RPL14: variants seen among roughly 807,000 people sequenced by gnomAD.
RPL14 encodes large ribosomal subunit protein eL14.
In RPL14, 4 loss-of-function variants were observed where a neutral mutation model predicts 25.3. The ratio of observed to expected loss-of-function variants is 0.16; its 90% CI spans 0.08 to 0.36. The LOEUF is 0.36. RPL14 is among the 10% of genes least tolerant of loss of function. RPL14 has a pLI of 1.00. For missense variants in RPL14, 212 were observed against 261.9 expected (o/e 0.81, Z 1.31); for synonymous variants, 75 against 89.8 (o/e 0.84, Z 0.93).
chr3:40,457,631 T>TG (rs1559527760), intron 1 of RPL14, 157 bp downstream of exon 1: 4 of 689,688 alleles, frequency 5.8e-6, no homozygotes, highest in Non-Finnish European at 9.7e-6. Flanking sequence ...GGATGGCTGA[T>TG]GCGGCTCGTG....
rs1696975450 is a variant in RPL14, at chr3:40,463,163, G to C, written c.*931G>C. 1 of 152,000 alleles carries C rather than the reference G, an allele frequency of 6.6e-6. No homozygotes were observed. The highest frequency in any genetic ancestry group is 2.1e-4 in the South Asian group (1 of 4,830). The allele number at this position is 152,000 out of a possible 1,614,324, so 9.4% of individuals were successfully genotyped here. On this transcript the variant is annotated 3_prime_UTR_variant, in exon 6 of 6. Transcript: ENST00000396203. ...CTGACCTCGTGATCCGCCTGTCTCG[G>C]CCTCCCAGAGCGGGGGATTATAGGC...
Position 40,464,460 on chromosome 3 carries a change from T to G in RPL14, c.*2228T>G, listed in dbSNP as rs887784659. 2.2e-6 allele frequency: 1 copy of G among 455,706 alleles called. No individual in the cohort carries two copies. The highest frequency in any genetic ancestry group is 2.4e-5 in the Admixed American group (1 of 42,538). 28.2% of individuals were successfully genotyped at this position (455,706 alleles called of 1,614,324 possible). ...GAGAAAGTGGCATCTATACCTAAAA[T>G]AAGAAGAAGGTGGTGTAAGGGGAAG... is the stretch of plus-strand genomic sequence containing the variant. On this transcript the variant is annotated 3_prime_UTR_variant, in exon 6 of 6. Transcript: ENST00000396203.
Position 40,461,430 on chromosome 3 carries a change from A to C in RPL14, c.224A>C (p.Gln75Pro). The C allele has an allele frequency of 6.2e-7, 1 of 1,614,180 alleles. No individual in the cohort carries two copies. Among genetic ancestry groups the C allele is most frequent in the Non-Finnish European group, 8.5e-7 (1 of 1,180,030 alleles). The change falls in exon 4 of 6, where the codon CAA (glutamine) becomes CCA (proline). Residue 75 changes from glutamine (Q) to proline (P), a missense_variant. Gln to Pro is a moderately conservative substitution (Grantham distance 76). Around this residue, in one of 3 missense-constraint regions of RPL14, gnomAD observed 143 missense variants for 180.3 expected, o/e 0.79. Transcript: ENST00000396203. ...PHSAHQKYVR[Q>P]AWQKADINTK... The stretch of plus-strand genomic sequence containing the variant: ...AGTGCCCACCAGAAGTATGTCCGAC[A>C]AGCCTGGCAGAAGGCAGACATCAAT...
At chr3:40,458,068 G>A (rs1199041542) in intron 2 of RPL14, 77 bp downstream of exon 2, 1 of 1,247,112 alleles carries the variant, frequency 8.0e-7, no homozygotes, top group African/African-American at 1.5e-5. Flanking sequence ...TGTCTCGATG[G>A]CTGTGTAAGA....
chr3:40,461,534 G>A (rs1171839496), intron 4 of RPL14, 28 bp downstream of exon 4: 1 of 1,610,758 alleles, frequency 6.2e-7, no homozygotes, highest in Non-Finnish European at 8.5e-7. Flanking sequence ...TTTGAATTCT[G>A]GTCCTTTCTT....
chr3:40,457,736 T>A, intron 1 of RPL14, 154 bp from the exon 2 acceptor site: 2 of 735,504 alleles, frequency 2.7e-6, no homozygotes, highest in Non-Finnish European at 4.5e-6. Context: ...TTTGCTGATT[T>A]CGTCCATCCA....
chr3:40,458,255 T>G, intron 2 of RPL14: 1 of 557,050 alleles, frequency 1.8e-6, no homozygotes, highest in Non-Finnish European at 3.2e-6. Flanking sequence ...ATACGTAAAG[T>G]GAGTTTAGAA....
In RPL14 at chr3:40,461,433, C is replaced by A; in HGVS notation, c.227C>A (p.Ala76Asp). The A allele has an allele frequency of 6.2e-7, 1 of 1,614,070 alleles. No homozygotes were observed. Among genetic ancestry groups the A allele is most frequent in the Admixed American group, 1.7e-5 (1 of 60,012 alleles). The change falls in exon 4 of 6, where the codon GCC becomes GAC. Residue 76 changes from alanine (A) to aspartate (D), a missense_variant. This residue lies in a region of RPL14 where 143 missense variants were observed against 180.3 expected (regional missense o/e 0.79). Transcript: ENST00000396203. Reference protein sequence around the residue: ...HSAHQKYVRQAWQKADINTKW... With the variant: ...HSAHQKYVRQDWQKADINTKW... ...GCCCACCAGAAGTATGTCCGACAAG[C>A]CTGGCAGAAGGCAGACATCAATACA...
rs2276869 is a variant in RPL14, at chr3:40,457,429, A to T, written c.-43A>T. 9,647 of 1,587,124 alleles carry T rather than the reference A, an allele frequency of 6.1e-3. 701 individuals are homozygous for T. In the East Asian group the frequency reaches 0.17, roughly 27 times the overall value. On this transcript the variant is annotated 5_prime_UTR_variant, in exon 1 of 6. Transcript: ENST00000396203. The stretch of plus-strand genomic sequence containing the variant: ...CCGCTCGACCTCCACCTCCGCTGGG[A>T]AGCTGAGGCGCCAAACGGCTCCCAG...
rs374794187 is a variant in RPL14 at position 40,457,381 on chromosome 3, G to C, written c.-91G>C. On this transcript the variant is annotated 5_prime_UTR_variant, in exon 1 of 6. Coordinates refer to ENST00000396203, the MANE Select transcript of RPL14 (RefSeq NM_001034996.3). ...CCAACATGGTGAGTCTTACTGTTGC[G>C]GGCTCCGGGGCCGTCGACCATGCCG... is the stretch of plus-strand genomic sequence containing the variant. The C allele has an allele frequency of 1.2e-6, 2 of 1,603,956 alleles. No homozygotes were observed. Among genetic ancestry groups the C allele is most frequent in the East Asian group, 2.3e-5 (1 of 43,898 alleles).
At position 40,462,782 on chromosome 3, in the gene RPL14, A is replaced by AC. The variant is rs1421243488; in HGVS notation, c.*551dup. ...TCATGAGAAATCATGATAACTTAGA[A>AC]CACCAAGTGACACAAGTGACATTTT... On this transcript the variant is annotated 3_prime_UTR_variant, in exon 6 of 6. Transcript: ENST00000396203. 6.6e-6 allele frequency: 1 copy of AC among 152,220 alleles called. No individual in the cohort carries two copies. The highest frequency in any genetic ancestry group is 1.5e-5 in the Non-Finnish European group (1 of 68,086). 9.4% of individuals were successfully genotyped at this position (152,220 alleles called of 1,614,324 possible).
intron 3 of RPL14, among the ~76,000 whole-genome samples, chr3:40,459,611 T>C (rs1696901250): frequency 6.6e-6 from 1 of 152,020 alleles, no homozygotes; most frequent in South Asian, 2.1e-4. Flanking sequence ...ATCCCAGCAC[T>C]TTGGAAGGCC....
chr3:40,464,544 A>G lies in RPL14; in HGVS notation c.*2312A>G, dbSNP rs1329591257. The G allele has an allele frequency of 6.6e-6, 3 of 456,012 alleles. No homozygotes were observed. In the Admixed American group the frequency reaches 7.0e-5, roughly 11 times the overall value. 28.2% of individuals were successfully genotyped at this position (456,012 alleles called of 1,614,324 possible). On this transcript the variant is annotated 3_prime_UTR_variant, in exon 6 of 6. Coordinates refer to ENST00000396203, the MANE Select transcript of RPL14 (RefSeq NM_001034996.3). ...GTGTAGAGGACTGGCTCGGGACCAC[A>G]TCAAGGAAGTAGGTTAGTGGTTAGA...
At position 40,467,425 on chromosome 3, in the gene RPL14, C is replaced by G. The variant is rs1296940144; in HGVS notation, c.*5193C>G. ...TGAGACCAAAGGCTTGATCAAGAAT[C>G]AAGAGCATCAACAACCGAGGGCAGG... is the stretch of plus-strand genomic sequence containing the variant. On this transcript the variant is annotated 3_prime_UTR_variant, in exon 6 of 6. Coordinates refer to ENST00000396203, the MANE Select transcript of RPL14 (RefSeq NM_001034996.3). The G allele has an allele frequency of 6.6e-6, 1 of 152,298 alleles. No individual in the cohort carries two copies. Among genetic ancestry groups the G allele is most frequent in the Non-Finnish European group, 1.5e-5 (1 of 68,078 alleles). 9.4% of individuals were successfully genotyped at this position (152,298 alleles called of 1,614,324 possible).
rs369895455 is a variant in RPL14, at chr3:40,462,116, G to T, written c.532G>T (p.Val178Phe). 1 of 1,611,766 alleles carries T rather than the reference G, an allele frequency of 6.2e-7. No homozygotes were observed. Among genetic ancestry groups the T allele is most frequent in the African/African-American group, 1.3e-5 (1 of 74,828 alleles). The stretch of plus-strand genomic sequence containing the variant: ...GAGTAAAAAGGCTCCAGCCCAGAAG[G>T]TTCCTGCCCAGAAAGCCACAGGCCA... ...AASKKAPAQK[V>F]PAQKATGQKA... Residue 178 changes from valine to phenylalanine, a missense_variant, in exon 6 of 6, where the codon GTT becomes TTT. Physicochemically the swap from Val to Phe is conservative, Grantham distance 50. Around this residue, in one of 3 missense-constraint regions of RPL14, gnomAD observed 66 missense variants for 62.6 expected, o/e 1.05. Transcript: ENST00000396203.
chr3:40,462,212 G>A lies in RPL14; in HGVS notation c.628G>A (p.Ala210Thr), dbSNP rs945729615. 4.4e-6 allele frequency: 7 copies of A among 1,591,186 alleles called. No homozygotes were observed. The African/African-American group carries it at 9.6e-5, about 22-fold the overall frequency. Residue 210 changes from alanine (A) to threonine (T), a missense_variant, in exon 6 of 6, where the codon GCA becomes ACA. By Grantham distance (58) the Ala-to-Thr change is moderately conservative. Transcript: ENST00000396203. ...APAQKAPAPK[A>T]SGKKA is the part of the protein sequence containing the mutation. ...AGCCCAGAAAGCACCTGCTCCAAAG[G>A]CATCTGGCAAGAAAGCATAAGTGGC...
At position 40,462,257 on chromosome 3, in the gene RPL14, G is replaced by A; in HGVS notation, c.*25G>A. 2 of 1,560,962 alleles carry A rather than the reference G, an allele frequency of 1.3e-6. No homozygotes were observed. The highest frequency in any genetic ancestry group is 8.6e-7 in the Non-Finnish European group (1 of 1,158,648). The stretch of plus-strand genomic sequence containing the variant: ...AGTGGCAATCATAAAAAGTAATAAA[G>A]GTTCTTTTTGACCTGTTGACAAATG... On this transcript the variant is annotated 3_prime_UTR_variant, in exon 6 of 6. Transcript: ENST00000396203.
At chr3:40,458,066 T>A (rs1448328175) in intron 2 of RPL14, 75 bp downstream of exon 2, 2 of 1,268,834 alleles carry the variant, frequency 1.6e-6, no homozygotes, top group East Asian at 4.6e-5. Flanking sequence ...ATTGTCTCGA[T>A]GGCTGTGTAA....
Position 40,462,276 on chromosome 3 carries a change from A to G in RPL14, c.*44A>G. 2 of 1,536,164 alleles carry G rather than the reference A, an allele frequency of 1.3e-6. No homozygotes were observed. Among genetic ancestry groups the G allele is most frequent in the Non-Finnish European group, 1.7e-6 (2 of 1,145,344 alleles). ...AATAAAGGTTCTTTTTGACCTGTTG[A>G]CAAATGTATTTAAGCCTTTGGATTT... On this transcript the variant is annotated 3_prime_UTR_variant, in exon 6 of 6. Transcript: ENST00000396203.
Sources: allele counts gnomAD v4.1 joint callset (sites outside exome capture counted in the v4.1 genomes callset), GRCh38; gene constraint gnomAD v4.1.1; regional missense constraint gnomAD v4.1.1; transcripts MANE v1.5; gene names NCBI Gene and HGNC (gene_info 2026-07-23, HGNC 2026-07-21).